The following DDX60L variants were observed in gnomAD, a reference collection of about 807,000 sequenced individuals.
The protein encoded by DDX60L is DExD/H-box 60 like, also known as probable ATP-dependent RNA helicase DDX60-like.
DDX60L carries 191 observed loss-of-function variants against 211.6 expected under a neutral mutation model. The observed-to-expected ratio is 0.90, with a 90% confidence interval of 0.80 to 1.02. The LOEUF (loss-of-function observed/expected upper bound fraction) is 1.02. Among genes scored for constraint, DDX60L ranks in the 50% least tolerant of loss-of-function variants. The pLI, the probability that DDX60L is intolerant of heterozygous loss-of-function variation, is 0.00. For missense variants in DDX60L, 2,007 were observed against 1,984.1 expected (o/e 1.01, Z -0.22); for synonymous variants, 706 against 694.1 (o/e 1.02, Z -0.27).
intron 28 of DDX60L, among the ~76,000 whole-genome samples, chr4:168,393,421 A>C (rs1579341303): frequency 6.6e-6 from 1 of 151,976 alleles, no homozygotes; most frequent in Admixed American, 6.6e-5. Flanking sequence ...GCTTGAACCC[A>C]GGAGGCGGAG....
chr4:168,405,010 T>C (rs1394695768), intron 24 of DDX60L, among the ~76,000 whole-genome samples: 3 of 143,494 alleles, frequency 2.1e-5, no homozygotes, highest in Non-Finnish European at 3.1e-5. Flanking sequence ...AACATCAGTA[T>C]CATTTTTTTT....
chr4:168,453,336 A>G (rs2634953), intron 7 of DDX60L, 54 bp from the exon 8 acceptor site: 1,190,537 of 1,538,868 alleles, frequency 0.77, 463,767 homozygotes, highest in East Asian at 0.88. Flanking sequence ...GTGAAATGGC[A>G]TTGAAATAGG....
Position 168,475,084 on chromosome 4 carries a change from C to T in DDX60L, c.-110-2275G>A, listed in dbSNP as rs568836861. ...GCATTAAAGTGAATAAGAACATGAG[C>T]TCTGAAACCAGGATGCCTGGGTTGA... On this transcript the variant is annotated intron_variant, in intron 1 of 37. Transcript: ENST00000682922. 2.3e-4 allele frequency among the ~76,000 whole-genome samples: 35 copies of T among 152,282 alleles called. 1 individual carries two copies. The South Asian group carries it at 7.1e-3, about 31-fold the overall frequency.
Position 168,420,335 on chromosome 4 carries a change from T to C in DDX60L, c.2440A>G (p.Lys814Glu). Residue 814 changes from lysine (K) to glutamate (E), a missense_variant, in exon 18 of 38, where the codon AAA becomes GAA. Transcript: ENST00000682922. ...AGAGTTCTGCCGGCAGGCAACGTTT[T>C]AGTAAAACGATTCTCAACAGTTGCA... ...VAATVENRFTKTLPAGRTLCG... is the reference protein window; with the variant it reads ...VAATVENRFTETLPAGRTLCG... The C allele has an allele frequency of 6.2e-7, 1 of 1,611,468 alleles. No individual in the cohort carries two copies. Among genetic ancestry groups the C allele is most frequent in the Non-Finnish European group, 8.5e-7 (1 of 1,179,386 alleles).
chr4:168,368,094 C>T (rs922551985), intron 36 of DDX60L, among the ~76,000 whole-genome samples: 2 of 152,182 alleles, frequency 1.3e-5, no homozygotes, highest in East Asian at 1.9e-4. Flanking sequence ...TAACAAGGAG[C>T]CTAACGTTAA....
intron 5 of DDX60L, among the ~76,000 whole-genome samples, chr4:168,460,578 T>C (rs1297933693): frequency 6.6e-6 from 1 of 152,082 alleles, no homozygotes. Flanking sequence ...ACTGTCAACC[T>C]TTTATTCGTA....
At chr4:168,363,821 A>C (rs1739493227) in intron 36 of DDX60L, among the ~76,000 whole-genome samples, 1 of 152,200 alleles carries the variant, frequency 6.6e-6, no homozygotes, top group Admixed American at 6.5e-5. Flanking sequence ...ACCAGAAAAC[A>C]ATGAACAAAA....
chr4:168,455,348 C>A (rs1205257825), intron 7 of DDX60L, among the ~76,000 whole-genome samples: 3 of 148,552 alleles, frequency 2.0e-5, no homozygotes, highest in African/African-American at 7.5e-5. Flanking sequence ...AATCCATGTT[C>A]CTCAAAAGAT....
At chr4:168,365,688 T>C (rs932714199) in intron 36 of DDX60L, among the ~76,000 whole-genome samples, 1 of 152,018 alleles carries the variant, frequency 6.6e-6, no homozygotes, top group African/African-American at 2.4e-5. Flanking sequence ...CCAACATTAT[T>C]CTGACTCCAA....
intron 36 of DDX60L, among the ~76,000 whole-genome samples, chr4:168,365,583 T>C (rs1282592546): frequency 6.6e-6 from 1 of 151,232 alleles, no homozygotes; most frequent in Non-Finnish European, 1.5e-5. Context: ...CACTGCTGAA[T>C]TCTACCAAAC....
intron 13 of DDX60L, among the ~76,000 whole-genome samples, chr4:168,428,006 G>A (rs1319220278): frequency 6.6e-6 from 1 of 152,244 alleles, no homozygotes; most frequent in Non-Finnish European, 1.5e-5. Flanking sequence ...AGGAGCAGAG[G>A]TGCACAGCCT....
intron 22 of DDX60L, among the ~76,000 whole-genome samples, chr4:168,409,874 C>A (rs1312996715): frequency 1.3e-5 from 2 of 152,098 alleles, no homozygotes; most frequent in African/African-American, 2.4e-5. Flanking sequence ...CCTCACTAGC[C>A]CTCTTTTTCC....
At chr4:168,424,338 C>T (rs978910711) in intron 14 of DDX60L, among the ~76,000 whole-genome samples, 1 of 152,192 alleles carries the variant, frequency 6.6e-6, no homozygotes, top group Admixed American at 6.5e-5. Context: ...CTTCTATTAC[C>T]TCCTGTTCAC....
In DDX60L at chr4:168,453,305, G is replaced by A. The variant is rs375213376; in HGVS notation, c.838-23C>T. On this transcript the variant is annotated intron_variant, in intron 7 of 37. Transcript: ENST00000682922. ...CACCTGCGTACAATAAAGAAGATGA[G>A]AACAGTCACAATGTCACGCTGTGAA... 36 of 1,595,296 alleles carry A rather than the reference G, an allele frequency of 2.3e-5. No homozygotes were observed. The Middle Eastern group carries it at 6.7e-4, about 30-fold the overall frequency.
At chr4:168,466,902 A>T (rs1758063309) in intron 4 of DDX60L, among the ~76,000 whole-genome samples, 1 of 152,146 alleles carries the variant, frequency 6.6e-6, no homozygotes, top group South Asian at 2.1e-4. Flanking sequence ...CAATTCACAA[A>T]ATGAGAGTGT....
intron 5 of DDX60L, among the ~76,000 whole-genome samples, chr4:168,459,774 G>GGGAAGGGAGGAAGGAAGGAA (rs1757058728): frequency 3.5e-5 from 2 of 56,918 alleles, no homozygotes; most frequent in African/African-American, 5.8e-5. Context: ...GAAGGAAGGA[G>GGGAAGGGAGGAAGGAAGGAA]GGAAGGAAGG....
At chr4:168,463,575 T>A (rs1444706671) in intron 4 of DDX60L, among the ~76,000 whole-genome samples, 1 of 152,064 alleles carries the variant, frequency 6.6e-6, no homozygotes, top group Non-Finnish European at 1.5e-5. Context: ...AACCTGCACA[T>A]GTACCCCTGA....
At chr4:168,405,815 TA>T in intron 24 of DDX60L, 134 bp downstream of exon 24, 1 of 920,138 alleles carries the variant, frequency 1.1e-6, no homozygotes, top group Non-Finnish European at 1.6e-6. Flanking sequence ...ACTCACTGGA[TA>T]ACATGTTTAA....
At chr4:168,368,921 C>T (rs2634940) in intron 36 of DDX60L, among the ~76,000 whole-genome samples, 86,071 of 152,132 alleles carry the variant, frequency 0.57, 25,322 homozygotes, top group East Asian at 0.75. Context: ...CATACCCCCA[C>T]TGTATCTAGG....
Sources: gnomAD v4.1 joint callset for allele counts (sites outside exome capture counted in the v4.1 genomes callset) on GRCh38, gnomAD v4.1.1 for gene constraint, MANE v1.5 for transcripts, NCBI Gene and HGNC (gene_info 2026-07-23, HGNC 2026-07-21) for gene names.